MEGF10: variants seen among roughly 807,000 people sequenced by gnomAD.
MEGF10 encodes multiple EGF like domains 10.
A neutral mutation model predicts 147.5 loss-of-function variants in MEGF10; 86 were observed. The ratio of observed to expected loss-of-function variants is 0.58; its 90% CI spans 0.49 to 0.70. The LOEUF is 0.70. MEGF10 is among the 30% of genes least tolerant of loss of function. The probability of loss-of-function intolerance (pLI) is 0.00; values close to 1 mark genes in which losing one functional copy is unlikely to be tolerated. For synonymous variants in MEGF10, 478 were observed against 525.5 expected, an observed-to-expected ratio of 0.91 and a Z score of 1.24; for missense variants, 1,329 against 1,487.3, an observed-to-expected ratio of 0.89 and a Z score of 1.75.
chr5:127,403,417 G>A (rs575259147), intron 8 of MEGF10, among the ~76,000 whole-genome samples: 2 of 152,282 alleles, frequency 1.3e-5, no homozygotes, highest in East Asian at 3.9e-4. Flanking sequence ...ATCCCCTCAA[G>A]TATTTATCCT....
intron 4 of MEGF10, among the ~76,000 whole-genome samples, chr5:127,358,334 T>C (rs1184905859): frequency 1.6e-4 from 24 of 152,176 alleles, no homozygotes; most frequent in Admixed American, 1.6e-3. Context: ...GTACTCTAAT[T>C]ATGACTTCCA....
At position 127,433,505 on chromosome 5, in the gene MEGF10, G is replaced by A. The variant is rs1765457115; in HGVS notation, c.1836G>A (p.Gln612=). The stretch of plus-strand genomic sequence containing the variant: ...CAGGCTTCCGAGGCACCACTTGTCA[G>A]AGGAGTAAGTGTCTCATTAGGCAGT... ...CAPGFRGTTC[Q]RICSPGFYGH... Residue 612 remains glutamine, a synonymous_variant, in exon 14 of 25, where the codon CAG becomes CAA. Transcript: ENST00000503335. The A allele has an allele frequency of 1.9e-6, 3 of 1,603,042 alleles. No homozygotes were observed. The highest frequency in any genetic ancestry group is 2.6e-6 in the Non-Finnish European group (3 of 1,174,476).
At chr5:127,296,136 A>T (rs556332857) in intron 1 of MEGF10, among the ~76,000 whole-genome samples, 46 of 152,342 alleles carry the variant, frequency 3.0e-4, no homozygotes, top group African/African-American at 1.1e-3. Context: ...AGCATTTAGT[A>T]AAAGGATTTC....
At chr5:127,392,642 A>T (rs894052920) in intron 5 of MEGF10, among the ~76,000 whole-genome samples, 1 of 152,176 alleles carries the variant, frequency 6.6e-6, no homozygotes, top group African/African-American at 2.4e-5. Context: ...ACAGGTACTT[A>T]AAAAATATCA....
chr5:127,312,773 T>C (rs1285914702), intron 1 of MEGF10, among the ~76,000 whole-genome samples: 1 of 152,196 alleles, frequency 6.6e-6, no homozygotes, highest in East Asian at 1.9e-4. Flanking sequence ...TGTAAAATGT[T>C]CTCTGACTCT....
the MEGF10 span, among the ~76,000 whole-genome samples, chr5:127,280,258 G>A: frequency 2.0e-5 from 3 of 152,132 alleles, no homozygotes; most frequent in East Asian, 5.8e-4. Flanking sequence ...ACATTTGCTG[G>A]TTCTAAGTAA....
the MEGF10 span, among the ~76,000 whole-genome samples, chr5:127,265,959 C>T: frequency 2.0e-5 from 3 of 152,084 alleles, no homozygotes; most frequent in African/African-American, 7.3e-5. Context: ...CTTTTGTTGC[C>T]ATTGCTTTTG....
At chr5:127,402,426 A>T in intron 7 of MEGF10, 120 bp from the exon 8 acceptor site, 1 of 1,097,640 alleles carries the variant, frequency 9.1e-7, no homozygotes, top group Non-Finnish European at 1.3e-6. Flanking sequence ...CTCTAATCTA[A>T]TTTTCTTGCA....
the MEGF10 span, among the ~76,000 whole-genome samples, chr5:127,235,422 G>A: frequency 6.6e-6 from 1 of 152,158 alleles, no homozygotes; most frequent in Non-Finnish European, 1.5e-5. Flanking sequence ...TGTCCAGATA[G>A]TGTACTGAAT....
chr5:127,271,405 T>G, the MEGF10 span, among the ~76,000 whole-genome samples: 5 of 149,680 alleles, frequency 3.3e-5, no homozygotes, highest in Non-Finnish European at 1.5e-5. Context: ...TTTAGTGGGG[T>G]TTTTTTTTTC....
chr5:127,362,085 A>G (rs958663803), intron 4 of MEGF10, among the ~76,000 whole-genome samples: 4 of 151,988 alleles, frequency 2.6e-5, no homozygotes, highest in African/African-American at 9.7e-5. Context: ...TTTCTTTTTA[A>G]TAGTTCTATC....
At chr5:127,389,462 C>T (rs1763560925) in intron 5 of MEGF10, among the ~76,000 whole-genome samples, 1 of 152,120 alleles carries the variant, frequency 6.6e-6, no homozygotes, top group Non-Finnish European at 1.5e-5. Flanking sequence ...CATAAAGATA[C>T]ATGCAGGTCA....
At chr5:127,313,033 T>C (rs2126743471) in intron 1 of MEGF10, among the ~76,000 whole-genome samples, 1 of 152,266 alleles carries the variant, frequency 6.6e-6, no homozygotes, top group South Asian at 2.1e-4. Flanking sequence ...TTAAAGGAAA[T>C]TAATCTAAGA....
At chr5:127,333,513 A>AAAAAAT (rs1761349313) in intron 2 of MEGF10, among the ~76,000 whole-genome samples, 1 of 102,546 alleles carries the variant, frequency 9.8e-6, no homozygotes, top group African/African-American at 3.5e-5. Flanking sequence ...CCTGCCTCAA[A>AAAAAAT]AAAAATAAAA....
intron 1 of MEGF10, among the ~76,000 whole-genome samples, chr5:127,294,456 A>C (rs1759404299): frequency 6.6e-6 from 1 of 152,196 alleles, no homozygotes. Flanking sequence ...GGTGTGGAAA[A>C]GCCAGTTGGG....
chr5:127,424,266 G>T, intron 13 of MEGF10: 1 of 697,966 alleles, frequency 1.4e-6, no homozygotes, highest in South Asian at 1.5e-5. Context: ...ATACAGTTTT[G>T]ATTATTGTAG....
In MEGF10 at chr5:127,433,521, A is replaced by G; in HGVS notation, c.1840+12A>G. ...CACTTGTCAGAGGAGTAAGTGTCTCATTAGGCAGTAATTTCCACCTTCCCT... is the reference window on the plus strand; with the variant it reads ...CACTTGTCAGAGGAGTAAGTGTCTCGTTAGGCAGTAATTTCCACCTTCCCT... On this transcript the variant is annotated intron_variant, in intron 14 of 24. Transcript: ENST00000503335. The G allele has an allele frequency of 1.3e-6, 2 of 1,582,274 alleles. No homozygotes were observed. The highest frequency in any genetic ancestry group is 1.7e-6 in the Non-Finnish European group (2 of 1,163,440).
chr5:127,257,041 T>C, the MEGF10 span, among the ~76,000 whole-genome samples: 1 of 152,116 alleles, frequency 6.6e-6, no homozygotes, highest in Non-Finnish European at 1.5e-5. Flanking sequence ...AACAATGGCC[T>C]TGGGCAAAGT....
At chr5:127,378,700 C>T (rs1763127755) in intron 5 of MEGF10, among the ~76,000 whole-genome samples, 1 of 152,210 alleles carries the variant, frequency 6.6e-6, no homozygotes, top group Non-Finnish European at 1.5e-5. Context: ...GATCCTCCTG[C>T]CTCAGCCTCC....
Sources: gnomAD v4.1 joint callset for allele counts (sites outside exome capture counted in the v4.1 genomes callset) on GRCh38, gnomAD v4.1.1 for gene constraint, MANE v1.5 for transcripts, NCBI Gene and HGNC (gene_info 2026-07-23, HGNC 2026-07-21) for gene names.